MEI4: variants seen among roughly 807,000 people sequenced by gnomAD.
MEI4 encodes the protein meiosis-specific protein MEI4.
In MEI4, 27 loss-of-function variants were observed where a neutral mutation model predicts 31.4. That is an observed-to-expected ratio of 0.86 (90% CI 0.63 to 1.19). The LOEUF is 1.19. Among genes scored for constraint, MEI4 ranks in the 50% most tolerant of loss-of-function variants. The pLI is 0.00. For missense variants in MEI4, 329 were observed against 398.9 expected, an observed-to-expected ratio of 0.82 and a Z score of 1.49; for synonymous variants, 122 against 145.4, an observed-to-expected ratio of 0.84 and a Z score of 1.16.
chr6:77,784,408 G>T (rs997706405), intron 3 of MEI4, among the ~76,000 whole-genome samples: 1 of 152,126 alleles, frequency 6.6e-6, no homozygotes, highest in African/African-American at 2.4e-5. Flanking sequence ...TAGCTGTTTC[G>T]GCAAATGTTG....
intron 4 of MEI4, among the ~76,000 whole-genome samples, chr6:77,916,091 G>A (rs149137882): frequency 2.7e-4 from 41 of 151,772 alleles, no homozygotes; most frequent in Non-Finnish European, 4.1e-4. Flanking sequence ...TGAATTATTC[G>A]GTTCTAAAAT....
chr6:77,786,087 TTAAAA>T (rs1427180231), intron 3 of MEI4, among the ~76,000 whole-genome samples: 1 of 152,064 alleles, frequency 6.6e-6, no homozygotes, highest in East Asian at 1.9e-4. Flanking sequence ...TTTAAAAAAA[TTAAAA>T]TAAAAAAATT....
chr6:77,715,525 C>T (rs1232309915), intron 2 of MEI4, among the ~76,000 whole-genome samples: 1 of 152,076 alleles, frequency 6.6e-6, no homozygotes, highest in Non-Finnish European at 1.5e-5. Flanking sequence ...TAATGATTGA[C>T]CAGTGAGCTT....
intron 3 of MEI4, among the ~76,000 whole-genome samples, chr6:77,784,520 A>G (rs1768680250): frequency 6.6e-6 from 1 of 152,168 alleles, no homozygotes. Flanking sequence ...TTTCAAGTCT[A>G]TGAACATGAG....
At chr6:77,692,043 C>T (rs1769167140) in intron 2 of MEI4, among the ~76,000 whole-genome samples, 1 of 152,074 alleles carries the variant, frequency 6.6e-6, no homozygotes, top group South Asian at 2.1e-4. Context: ...GATTTCACCT[C>T]TACTCACCTC....
intron 4 of MEI4, among the ~76,000 whole-genome samples, chr6:77,836,786 C>T (rs1288815115): frequency 2.0e-5 from 3 of 152,040 alleles, no homozygotes; most frequent in African/African-American, 4.8e-5. Flanking sequence ...CTAAGATCTA[C>T]GAAGCCTGGC....
intron 1 of MEI4, among the ~76,000 whole-genome samples, chr6:77,679,560 T>G (rs1768912896): frequency 6.6e-6 from 1 of 152,132 alleles, no homozygotes; most frequent in Non-Finnish European, 1.5e-5. Flanking sequence ...TCCTCATTAT[T>G]ATGGGATGCA....
intron 4 of MEI4, among the ~76,000 whole-genome samples, chr6:77,868,098 T>A (rs1483224727): frequency 6.6e-6 from 1 of 151,538 alleles, no homozygotes; most frequent in Non-Finnish European, 1.5e-5. Context: ...GGGATAGCAT[T>A]AGGAGATTTA....
intron 2 of MEI4, among the ~76,000 whole-genome samples, chr6:77,700,186 C>T (rs938507320): frequency 1.3e-5 from 2 of 152,206 alleles, no homozygotes; most frequent in Non-Finnish European, 2.9e-5. Flanking sequence ...GTGCCCTGCC[C>T]CTAGAGGTGG....
At chr6:77,661,028 C>A (rs1036563132) in intron 1 of MEI4, among the ~76,000 whole-genome samples, 1 of 152,082 alleles carries the variant, frequency 6.6e-6, no homozygotes, top group Non-Finnish European at 1.5e-5. Flanking sequence ...GCCTAGAGGG[C>A]TGGTGTCTGG....
chr6:77,689,574 A>C (rs990997192), intron 1 of MEI4, among the ~76,000 whole-genome samples: 2 of 152,030 alleles, frequency 1.3e-5, no homozygotes, highest in African/African-American at 4.8e-5. Flanking sequence ...TAAAGGGTGC[A>C]CAGTCAGGGC....
chr6:77,907,622 G>C (rs1397963983), intron 4 of MEI4, among the ~76,000 whole-genome samples: 3 of 152,140 alleles, frequency 2.0e-5, no homozygotes, highest in Non-Finnish European at 2.9e-5. Context: ...CCTTATAGCA[G>C]CATGTTTTAT....
chr6:77,880,600 AG>A (rs1440406387), intron 4 of MEI4, among the ~76,000 whole-genome samples: 1 of 152,212 alleles, frequency 6.6e-6, no homozygotes, highest in Non-Finnish European at 1.5e-5. Context: ...CAGAAAGAAC[AG>A]AAAGTCACTT....
chr6:77,862,479 A>T (rs1159773308), intron 4 of MEI4, among the ~76,000 whole-genome samples: 3 of 152,350 alleles, frequency 2.0e-5, no homozygotes, highest in South Asian at 2.1e-4. Context: ...GCTCTTTGCT[A>T]GCACAGCAGT....
At chr6:77,881,419 A>G (rs1278717664) in intron 4 of MEI4, among the ~76,000 whole-genome samples, 1 of 152,192 alleles carries the variant, frequency 6.6e-6, no homozygotes, top group East Asian at 1.9e-4. Flanking sequence ...TATTATACAG[A>G]TGTATCGCAA....
intron 2 of MEI4, among the ~76,000 whole-genome samples, chr6:77,758,167 A>C (rs999659594): frequency 5.3e-5 from 8 of 151,952 alleles, no homozygotes; most frequent in Admixed American, 2.0e-4. Flanking sequence ...AAAAAAAAAA[A>C]AAAAAAGAAA....
At chr6:77,792,708 C>G (rs550737133) in intron 3 of MEI4, among the ~76,000 whole-genome samples, 10 of 151,302 alleles carry the variant, frequency 6.6e-5, no homozygotes, top group African/African-American at 2.4e-4. Flanking sequence ...ATCCAGTTTT[C>G]CCAACACTAT....
chr6:77,683,537 TTAAC>T (rs1768996264), intron 1 of MEI4, among the ~76,000 whole-genome samples: 2 of 152,092 alleles, frequency 1.3e-5, no homozygotes, highest in South Asian at 2.1e-4. Context: ...TTTGTGCCCT[TTAAC>T]TAACATCTCC....
chr6:77,812,999 A>G (rs1167400208), intron 3 of MEI4, among the ~76,000 whole-genome samples: 1 of 152,066 alleles, frequency 6.6e-6, no homozygotes, highest in African/African-American at 2.4e-5. Context: ...AATTTGTGAC[A>G]TTATATTTTT....
Sources: gnomAD v4.1 joint callset for allele counts (sites outside exome capture counted in the v4.1 genomes callset) on GRCh38, gnomAD v4.1.1 for gene constraint, MANE v1.5 for transcripts, NCBI Gene and HGNC (gene_info 2026-07-23, HGNC 2026-07-21) for gene names.